Variants in PI4KB observed in about 807,000 individuals in gnomAD.
PI4KB encodes the protein PtdIns 4-kinase beta.
Under a neutral mutation model 81.4 loss-of-function variants are expected in PI4KB, and 23 were observed. That is an observed-to-expected ratio of 0.28 (90% CI 0.20 to 0.40). The LOEUF (loss-of-function observed/expected upper bound fraction) is 0.40. PI4KB is among the 10% of genes least tolerant of loss of function. The pLI is 1.00. For synonymous variants in PI4KB, 381 were observed against 406.8 expected (o/e 0.94, Z 0.76); for missense variants, 651 against 1,036.6 (o/e 0.63, Z 5.11).
chr1:151,293,804 T>C (rs1346300611), intron 11 of PI4KB: 1 of 533,378 alleles, frequency 1.9e-6, no homozygotes. Flanking sequence ...AGGCAGGTGC[T>C]GCTATCCCCT....
rs587635323 is a variant in PI4KB at position 151,293,418 on chromosome 1, T to A, written c.2270-385A>T. The stretch of plus-strand genomic sequence containing the variant: ...CACTCACAGATGACCTGGGCCACCG[T>A]CATCATGGGGCCAGATGGGGATGAT... On this transcript the variant is annotated intron_variant, in intron 11 of 11. Transcript: ENST00000368873. 3 of 1,273,284 alleles carry A rather than the reference T, an allele frequency of 2.4e-6. No individual in the cohort carries two copies. In the East Asian group the frequency reaches 1.8e-4, roughly 74 times the overall value. 78.9% of individuals were successfully genotyped at this position (1,273,284 alleles called of 1,614,324 possible).
chr1:151,299,604 C>T (rs904002588), intron 8 of PI4KB, among the ~76,000 whole-genome samples: 12 of 152,076 alleles, frequency 7.9e-5, no homozygotes, highest in Admixed American at 5.9e-4. Flanking sequence ...GCAGGAGAAT[C>T]GCTTGAACCC....
chr1:151,301,950 G>A lies in PI4KB; in HGVS notation c.1643C>T (p.Ser548Phe). Residue 548 changes from serine to phenylalanine, a missense_variant, in exon 8 of 12, where the codon TCC becomes TTC. Transcript: ENST00000368873. ...CCAATTGGGGAGATGGCCGTAGGGG[G>A]AGCCCTCTCTGATCCGCCTGTGAAG... ...QEKVRRIREG[S>F]PYGHLPNWRL... 6.2e-7 allele frequency: 1 copy of A among 1,613,704 alleles called. No homozygotes were observed. The highest frequency in any genetic ancestry group is 8.5e-7 in the Non-Finnish European group (1 of 1,179,994).
intron 11 of PI4KB, 190 bp downstream of exon 11, chr1:151,293,827 TG>T: frequency 3.3e-6 from 2 of 598,384 alleles, no homozygotes; most frequent in Non-Finnish European, 5.7e-6. Flanking sequence ...CCCAGCCTTC[TG>T]GACTTAGCCT....
intron 1 of PI4KB, chr1:151,324,900 T>TG (rs1226112030): frequency 1.0e-6 from 1 of 985,024 alleles, no homozygotes; most frequent in Non-Finnish European, 1.2e-6. Flanking sequence ...AGCATTCTCA[T>TG]GGAGCGTGGA....
Position 151,316,401 on chromosome 1 carries a change from C to G in PI4KB, c.81G>C (p.Gly27=), listed in dbSNP as rs191859607. ...PTSGPPGNNG[G]SLLSVITEGV... ...CCTCCGTGATGACACTTAGCAGGGACCCCCCATTATTCCCTGGTGGGCCAG... is the reference window on the plus strand; with the variant it reads ...CCTCCGTGATGACACTTAGCAGGGAGCCCCCATTATTCCCTGGTGGGCCAG... The change falls in exon 2 of 12, where the codon GGG becomes GGC. Residue 27 remains glycine (G), a synonymous_variant. Coordinates refer to ENST00000368873, the MANE Select transcript of PI4KB (RefSeq NM_001369623.2). 5.3e-4 allele frequency: 853 copies of G among 1,596,048 alleles called. 4 individuals are homozygous for G. Among genetic ancestry groups the G allele is most frequent in the Non-Finnish European group, 6.9e-5 (81 of 1,170,736 alleles).
chr1:151,293,686 A>G, intron 11 of PI4KB: 1 of 323,146 alleles, frequency 3.1e-6, no homozygotes, highest in Non-Finnish European at 5.9e-6. Context: ...TGGAATGGAG[A>G]AGACAGATGG....
At chr1:151,301,792 AGAGTGCT>A in intron 8 of PI4KB, 45 bp downstream of exon 8, 1 of 1,576,836 alleles carries the variant, frequency 6.3e-7, no homozygotes, top group Non-Finnish European at 8.7e-7. Context: ...TCGGCCTCCC[AGAGTGCT>A]GGGATTACAG....
intron 9 of PI4KB, chr1:151,298,600 C>T: frequency 1.6e-6 from 1 of 627,142 alleles, no homozygotes; most frequent in Non-Finnish European, 2.8e-6. Context: ...TCCCATAAAT[C>T]CTTCATTTCT....
chr1:151,317,908 A>G (rs1199584610), intron 1 of PI4KB, among the ~76,000 whole-genome samples: 2 of 152,142 alleles, frequency 1.3e-5, no homozygotes, highest in Non-Finnish European at 2.9e-5. Context: ...TCCTAGGCTC[A>G]AGGCATCCTC....
At chr1:151,296,862 A>G (rs144572872) in intron 9 of PI4KB, among the ~76,000 whole-genome samples, 1,657 of 147,206 alleles carry the variant, frequency 0.011, 35 homozygotes, top group African/African-American at 0.039. Context: ...TGCAACCTCC[A>G]CCTCCCGGGT....
In PI4KB at chr1:151,303,591, G is replaced by A; in HGVS notation, c.1470C>T (p.Ile490=). The A allele has an allele frequency of 6.2e-7, 1 of 1,614,092 alleles. No homozygotes were observed. The highest frequency in any genetic ancestry group is 8.5e-7 in the Non-Finnish European group (1 of 1,179,950). The change falls in exon 6 of 12, where the codon ATC becomes ATT. Residue 490 remains isoleucine, a synonymous_variant. Coordinates refer to ENST00000368873, the MANE Select transcript of PI4KB (RefSeq NM_001369623.2). ...CAGGCTCCTTGCTCTCCTGGCTGGT[G>A]ATGCTGTCCACAGAGAACTGGGAGA... is the stretch of plus-strand genomic sequence containing the variant. ...DNISQFSVDS[I]TSQESKEPVF...
intron 2 of PI4KB, 67 bp downstream of exon 2, chr1:151,315,506 T>C (rs1647791411): frequency 6.9e-6 from 7 of 1,010,530 alleles, no homozygotes; most frequent in African/African-American, 1.6e-5. Flanking sequence ...TGTGTGTATA[T>C]AGGAGGCATC....
chr1:151,307,583 G>C lies in PI4KB; in HGVS notation c.1173C>G (p.Ser391=). 2 of 1,609,144 alleles carry C rather than the reference G, an allele frequency of 1.2e-6. No individual in the cohort carries two copies. The highest frequency in any genetic ancestry group is 1.3e-5 in the African/African-American group (1 of 74,932). ...VPHTQAVVLN[S]KDKAPYLIYV... is the part of the protein sequence containing the mutation. ...GCCAGAACCCATCTACCTTGTCCTTGGAGTTGAGGACAACAGCCTGTGTGT... is the reference window on the plus strand; with the variant it reads ...GCCAGAACCCATCTACCTTGTCCTTCGAGTTGAGGACAACAGCCTGTGTGT... The change falls in exon 4 of 12, where the codon TCC becomes TCG. Residue 391 remains serine (S), a synonymous_variant. Transcript: ENST00000368873.
chr1:151,301,780 C>A, intron 8 of PI4KB, 64 bp downstream of exon 8: 1 of 1,513,470 alleles, frequency 6.6e-7, no homozygotes, highest in South Asian at 1.1e-5. Flanking sequence ...AATCCACCCG[C>A]CTCGGCCTCC....
In PI4KB at chr1:151,292,754, G is replaced by T; in HGVS notation, c.*98C>A. 1 of 1,063,644 alleles carries T rather than the reference G, an allele frequency of 9.4e-7. No homozygotes were observed. Among genetic ancestry groups the T allele is most frequent in the Non-Finnish European group, 1.4e-6 (1 of 735,646 alleles). The allele number at this position is 1,063,644 out of a possible 1,614,324, so 65.9% of individuals were successfully genotyped here. A position where few individuals can be genotyped will look rare whatever the true frequency, so the allele number is the denominator to read the frequency against. On this transcript the variant is annotated 3_prime_UTR_variant, in exon 12 of 12. Coordinates refer to ENST00000368873, the MANE Select transcript of PI4KB (RefSeq NM_001369623.2). ...GCCTTCCATTTCCCTTGGGTGGATG[G>T]TTGGGTAGGTGGGGTTTCCTGGTTT...
intron 6 of PI4KB, among the ~76,000 whole-genome samples, chr1:151,302,577 C>CTTTTTTT (rs144203698): frequency 1.5e-5 from 2 of 133,792 alleles, no homozygotes; most frequent in Non-Finnish European, 3.2e-5. Context: ...CTTTTCTTTT[C>CTTTTTTT]TTTTTTTTTT....
chr1:151,326,055 TAA>T, intron 1 of PI4KB: 1 of 1,037,394 alleles, frequency 9.6e-7, no homozygotes, highest in South Asian at 1.3e-5. Context: ...ACTATTCTAG[TAA>T]ACCACAAGAA....
At chr1:151,305,677 T>C (rs982371701) in intron 5 of PI4KB, among the ~76,000 whole-genome samples, 2 of 152,222 alleles carry the variant, frequency 1.3e-5, no homozygotes, top group African/African-American at 4.8e-5. Flanking sequence ...ACTACTTGCT[T>C]ACTGGCCTTG....
Sources: allele counts gnomAD v4.1 joint callset (sites outside exome capture counted in the v4.1 genomes callset), GRCh38; gene constraint gnomAD v4.1.1; transcripts MANE v1.5; gene names NCBI Gene and HGNC (gene_info 2026-07-23, HGNC 2026-07-21).